SNX29: variants seen among roughly 807,000 people sequenced by gnomAD.
SNX29 encodes sorting nexin 29, also known as sorting nexin-29.
A neutral mutation model predicts 102.1 loss-of-function variants in SNX29; 78 were observed. The observed-to-expected ratio is 0.76, with a 90% CI of 0.64 to 0.92. SNX29 has a LOEUF of 0.92. Among genes scored for constraint, SNX29 ranks in the 40% least tolerant of loss-of-function variants. The pLI is 0.00. For synonymous variants in SNX29, 580 were observed against 414.5 expected, an observed-to-expected ratio of 1.40 and a Z score of -4.85; for missense variants, 1,280 against 1,061.7, an observed-to-expected ratio of 1.21 and a Z score of -2.86.
At chr16:12,275,778 G>A (rs2079226999) in intron 14 of SNX29, among the ~76,000 whole-genome samples, 1 of 148,394 alleles carries the variant, frequency 6.7e-6, no homozygotes, top group South Asian at 2.1e-4. Flanking sequence ...TTGTGCATAT[G>A]TATGAGGTAG....
chr16:12,496,168 T>A (rs1360036281), intron 19 of SNX29, among the ~76,000 whole-genome samples: 1 of 152,210 alleles, frequency 6.6e-6, no homozygotes, highest in Non-Finnish European at 1.5e-5. Context: ...AAGGTCACAC[T>A]CATTTGTAGG....
intron 18 of SNX29, among the ~76,000 whole-genome samples, chr16:12,450,447 C>G (rs953849053): frequency 6.6e-6 from 1 of 152,214 alleles, no homozygotes; most frequent in Non-Finnish European, 1.5e-5. Flanking sequence ...AAGGGTACAG[C>G]TCTCTATCCC....
At chr16:12,534,337 C>T (rs1046014843) in intron 20 of SNX29, among the ~76,000 whole-genome samples, 1 of 152,208 alleles carries the variant, frequency 6.6e-6, no homozygotes, top group African/African-American at 2.4e-5. Context: ...AGCCAAATGT[C>T]CTGGTCTTTG....
chr16:12,568,315 A>AAAAAAAAAC (rs2079100058), intron 20 of SNX29, among the ~76,000 whole-genome samples, 191 bp from the exon 21 acceptor site: 1 of 151,498 alleles, frequency 6.6e-6, no homozygotes, highest in Non-Finnish European at 1.5e-5. Context: ...AAAAAAAAAA[A>AAAAAAAAAC]AATGGAAAGG....
At chr16:12,510,262 G>C (rs550688088) in intron 19 of SNX29, among the ~76,000 whole-genome samples, 1 of 152,224 alleles carries the variant, frequency 6.6e-6, no homozygotes, top group Non-Finnish European at 1.5e-5. Flanking sequence ...AAATATGGTA[G>C]TTTTACTGAG....
At chr16:12,540,591 G>A (rs2077287673) in intron 20 of SNX29, among the ~76,000 whole-genome samples, 1 of 152,124 alleles carries the variant, frequency 6.6e-6, no homozygotes, top group Admixed American at 6.5e-5. Flanking sequence ...CAATTACTCT[G>A]GGACCCTGAG....
Position 12,568,860 on chromosome 16 carries a change from A to C in SNX29, c.*231A>C. ...CACCTCGCTGGAGAGACTGGGACAC[A>C]CAGTCCTTCTGCTTCTGGGGTCTAC... On this transcript the variant is annotated 3_prime_UTR_variant, in exon 21 of 21. Transcript: ENST00000566228. The C allele has an allele frequency of 3.2e-6, 2 of 626,088 alleles. No individual in the cohort carries two copies. The highest frequency in any genetic ancestry group is 5.3e-6 in the Non-Finnish European group (2 of 375,968). 38.8% of individuals were successfully genotyped at this position (626,088 alleles called of 1,614,324 possible).
At chr16:12,259,935 G>C (rs1409746661) in intron 14 of SNX29, among the ~76,000 whole-genome samples, 1 of 152,020 alleles carries the variant, frequency 6.6e-6, no homozygotes, top group Non-Finnish European at 1.5e-5. Flanking sequence ...ATCCCCCGCT[G>C]CCTCTGCCTC....
intron 14 of SNX29, among the ~76,000 whole-genome samples, chr16:12,251,876 C>G (rs1335089616): frequency 6.6e-6 from 1 of 152,202 alleles, no homozygotes; most frequent in East Asian, 1.9e-4. Flanking sequence ...CCTCTTGACT[C>G]AGCCTCCCCA....
At chr16:12,437,859 C>T (rs1302643907) in intron 18 of SNX29, among the ~76,000 whole-genome samples, 1 of 152,194 alleles carries the variant, frequency 6.6e-6, no homozygotes, top group East Asian at 1.9e-4. Flanking sequence ...GTGCCCTTCC[C>T]CCCAGCCCAG....
intron 13 of SNX29, among the ~76,000 whole-genome samples, chr16:12,139,220 A>G (rs2054777407): frequency 8.5e-6 from 1 of 117,822 alleles, no homozygotes; most frequent in African/African-American, 3.3e-5. Flanking sequence ...AAAAAAAAAA[A>G]AAGGGAGGAA....
In SNX29 at chr16:12,569,462, G is replaced by C. The variant is rs543685879; in HGVS notation, c.*833G>C. On this transcript the variant is annotated 3_prime_UTR_variant, in exon 21 of 21. Transcript: ENST00000566228. ...TAGCATTGGCCCTACAGTCATGAGA[G>C]ACTTGGGTCAGGGAACCACTGCAGA... The C allele has an allele frequency of 3.5e-5, 8 of 231,454 alleles. No homozygotes were observed. Among genetic ancestry groups the C allele is most frequent in the African/African-American group, 8.8e-5 (4 of 45,370 alleles). 14.3% of individuals were successfully genotyped at this position (231,454 alleles called of 1,614,324 possible).
intron 15 of SNX29, among the ~76,000 whole-genome samples, chr16:12,289,280 A>G (rs921336614): frequency 6.6e-6 from 1 of 152,068 alleles, no homozygotes; most frequent in African/African-American, 2.4e-5. Context: ...CACTACTGGC[A>G]CTGTCTTCTT....
At chr16:12,083,888 C>T (rs950466247) in intron 11 of SNX29, among the ~76,000 whole-genome samples, 1 of 152,248 alleles carries the variant, frequency 6.6e-6, no homozygotes, top group Non-Finnish European at 1.5e-5. Context: ...TGCCTCTGTA[C>T]TGTAATTGAG....
chr16:12,330,633 G>T (rs1444815104), intron 15 of SNX29, among the ~76,000 whole-genome samples: 1 of 152,234 alleles, frequency 6.6e-6, no homozygotes, highest in Non-Finnish European at 1.5e-5. Context: ...TGACATCTTT[G>T]CAGGCAGCGG....
chr16:12,545,657 C>G (rs150781136), intron 20 of SNX29: 4 of 152,208 alleles, frequency 2.6e-5, no homozygotes, highest in Admixed American at 1.3e-4. Flanking sequence ...CACTATGGCC[C>G]TTCCCAGCTT....
chr16:12,002,716 T>C (rs2056330551), intron 2 of SNX29, among the ~76,000 whole-genome samples: 1 of 152,210 alleles, frequency 6.6e-6, no homozygotes, highest in Non-Finnish European at 1.5e-5. Flanking sequence ...GATGGCTGTG[T>C]GCTTTTGTTT....
chr16:12,571,933 G>C lies in SNX29; in HGVS notation c.*3304G>C. 8.5e-6 allele frequency: 9 copies of C among 1,062,106 alleles called. No homozygotes were observed. The highest frequency in any genetic ancestry group is 1.0e-5 in the Non-Finnish European group (9 of 877,238). The allele number at this position is 1,062,106 out of a possible 1,614,324, so 65.8% of individuals were successfully genotyped here. ...CTACTGGCAGGCCCTGGTGAAGGAA[G>C]ACACTTTCAGGGAAGAGGCTCTTAC... On this transcript the variant is annotated 3_prime_UTR_variant, in exon 21 of 21. Transcript: ENST00000566228.
intron 13 of SNX29, among the ~76,000 whole-genome samples, chr16:12,138,570 G>A (rs1212952744): frequency 1.3e-5 from 2 of 151,242 alleles, no homozygotes; most frequent in Non-Finnish European, 2.9e-5. Context: ...ATGCTTTGGA[G>A]GAATATCTTA....
Sources: allele counts gnomAD v4.1 joint callset (sites outside exome capture counted in the v4.1 genomes callset), GRCh38; gene constraint gnomAD v4.1.1; transcripts MANE v1.5; gene names NCBI Gene and HGNC (gene_info 2026-07-23, HGNC 2026-07-21).